The following CARMIL1 variants were observed in gnomAD, a reference collection of about 807,000 sequenced individuals.
The protein encoded by CARMIL1 is capping protein regulator and myosin 1 linker 1.
In CARMIL1, 90 loss-of-function variants were observed where a neutral mutation model predicts 177.1. That is an observed-to-expected ratio of 0.51 (90% confidence interval 0.43 to 0.61). The LOEUF is 0.61. CARMIL1 is among the 20% of genes least tolerant of loss of function. The pLI, the probability that CARMIL1 is intolerant of heterozygous loss-of-function variation, is 0.00. For synonymous variants in CARMIL1, 577 were observed against 606.2 expected, an observed-to-expected ratio of 0.95 and a Z score of 0.71; for missense variants, 1,380 against 1,667.0, an observed-to-expected ratio of 0.83 and a Z score of 3.00.
At chr6:25,571,198 A>G (rs9348685) in intron 29 of CARMIL1, among the ~76,000 whole-genome samples, 22,901 of 152,134 alleles carry the variant, frequency 0.15, 1,837 homozygotes, top group Middle Eastern at 0.21. Context: ...TCAAAAAGCA[A>G]TGATTAGCTC....
At chr6:25,390,311 TATATATATA>T (rs1444618768) in intron 2 of CARMIL1, among the ~76,000 whole-genome samples, 8,913 of 55,782 alleles carry the variant, frequency 0.16, 516 homozygotes, top group Non-Finnish European at 0.2. Context: ...TATATATATA[TATATATATA>T]TTTTTTTTTT....
intron 5 of CARMIL1, among the ~76,000 whole-genome samples, chr6:25,445,076 T>G (rs545005406): frequency 2.6e-5 from 4 of 152,356 alleles, no homozygotes; most frequent in African/African-American, 9.6e-5. Flanking sequence ...CTAACTGGCG[T>G]GAGATGGTAT....
intron 2 of CARMIL1, among the ~76,000 whole-genome samples, chr6:25,417,517 G>A (rs1004562289): frequency 6.6e-6 from 1 of 152,170 alleles, no homozygotes; most frequent in Non-Finnish European, 1.5e-5. Flanking sequence ...GAAAACTGTT[G>A]GAATGTTGAA....
chr6:25,335,753 G>A (rs1055131259), intron 2 of CARMIL1, among the ~76,000 whole-genome samples: 7 of 152,234 alleles, frequency 4.6e-5, no homozygotes, highest in African/African-American at 1.2e-4. Flanking sequence ...CAGGGTGGGC[G>A]CTAAAGCCTT....
chr6:25,386,907 C>G (rs1001819207), intron 2 of CARMIL1, among the ~76,000 whole-genome samples: 1 of 151,782 alleles, frequency 6.6e-6, no homozygotes, highest in Non-Finnish European at 1.5e-5. Context: ...GTGGGCGTAT[C>G]ACCTGAGGTC....
chr6:25,392,655 T>A (rs1399293749), intron 2 of CARMIL1, among the ~76,000 whole-genome samples: 4 of 152,232 alleles, frequency 2.6e-5, no homozygotes, highest in African/African-American at 7.2e-5. Flanking sequence ...GATGTCATGC[T>A]AGATACATTT....
chr6:25,603,288 C>T (rs1815612976), intron 33 of CARMIL1, among the ~76,000 whole-genome samples: 1 of 152,214 alleles, frequency 6.6e-6, no homozygotes, highest in South Asian at 2.1e-4. Flanking sequence ...TTTAGGGGAT[C>T]ACTTTTCCAT....
intron 2 of CARMIL1, among the ~76,000 whole-genome samples, chr6:25,396,597 A>G (rs1474314732): frequency 1.3e-5 from 2 of 151,990 alleles, no homozygotes; most frequent in African/African-American, 2.4e-5. Flanking sequence ...GCTGACCTCA[A>G]GTGATCTGCC....
Position 25,509,697 on chromosome 6 carries a change from T to C in CARMIL1, c.1437T>C (p.Ala479=), listed in dbSNP as rs779695932. The change falls in exon 18 of 37, where the codon GCT becomes GCC. Residue 479 remains alanine (A), a synonymous_variant. Coordinates refer to ENST00000329474, the MANE Select transcript of CARMIL1 (RefSeq NM_017640.6). This position sits in a 1 kb window ranked among gnomAD's most constrained non-coding sequence, Gnocchi z 4.1. ...GGAQVLEGCI[A]EIHNITSLDI... is the part of the protein sequence containing the mutation. ...CTCAAGTATTAGAAGGTTGCATTGC[T>C]GAAATACACAACATCACCAGCTTAG... 6.2e-7 allele frequency: 1 copy of C among 1,603,624 alleles called. No homozygotes were observed. Among genetic ancestry groups the C allele is most frequent in the Non-Finnish European group, 8.5e-7 (1 of 1,174,664 alleles).
intron 8 of CARMIL1, among the ~76,000 whole-genome samples, chr6:25,464,247 AT>A (rs34232235): frequency 0.17 from 26,303 of 150,966 alleles, 2,468 homozygotes; most frequent in South Asian, 0.26. Context: ...ATTTCTCTGG[AT>A]TTTTTTTTTC....
intron 35 of CARMIL1, among the ~76,000 whole-genome samples, chr6:25,609,754 A>T (rs1264714542): frequency 1.3e-5 from 2 of 152,228 alleles, no homozygotes; most frequent in Admixed American, 6.5e-5. Flanking sequence ...AGTCAGAAGG[A>T]ACATATGGTT....
intron 29 of CARMIL1, among the ~76,000 whole-genome samples, chr6:25,566,587 C>G (rs1292426053): frequency 2.0e-5 from 3 of 152,226 alleles, no homozygotes; most frequent in Non-Finnish European, 2.9e-5. Context: ...TATCTTAGCA[C>G]TTATTAGAAC....
intron 31 of CARMIL1, among the ~76,000 whole-genome samples, chr6:25,584,988 T>C (rs1813500363): frequency 6.6e-6 from 1 of 152,254 alleles, no homozygotes; most frequent in Non-Finnish European, 1.5e-5. Context: ...CCTTAGGGAC[T>C]GTGTAACACA....
intron 2 of CARMIL1, among the ~76,000 whole-genome samples, chr6:25,318,988 C>G (rs941745663): frequency 6.6e-6 from 1 of 152,172 alleles, no homozygotes; most frequent in East Asian, 1.9e-4. Context: ...TTTTCTGAGG[C>G]TGGGCTCATT....
intron 36 of CARMIL1, among the ~76,000 whole-genome samples, chr6:25,611,720 C>T (rs556263582): frequency 6.6e-6 from 1 of 152,134 alleles, no homozygotes; most frequent in Non-Finnish European, 1.5e-5. Flanking sequence ...ATACAAAAAT[C>T]ATTGTTTTAA....
At chr6:25,309,354 C>CAA (rs70975001) in intron 2 of CARMIL1, among the ~76,000 whole-genome samples, 102 of 85,442 alleles carry the variant, frequency 1.2e-3, no homozygotes, top group Non-Finnish European at 1.7e-3. Context: ...GAGTCCCTCT[C>CAA]AAAAAAAAAA....
chr6:25,450,857 C>A (rs1427205604), intron 8 of CARMIL1, 146 bp downstream of exon 8: 8 of 535,570 alleles, frequency 1.5e-5, no homozygotes, highest in Middle Eastern at 4.9e-4. Context: ...TCCCTCCCCT[C>A]CCTTCCCTTC....
chr6:25,432,677 G>A (rs1268187989), intron 4 of CARMIL1, among the ~76,000 whole-genome samples: 1 of 152,058 alleles, frequency 6.6e-6, no homozygotes, highest in Non-Finnish European at 1.5e-5. Context: ...TTAATTGTTT[G>A]CTATGTCACA....
chr6:25,515,957 A>C lies in CARMIL1; in HGVS notation c.1805+110A>C. ...GGGGACCTGGGCTTCCCATGAGGCC[A>C]TCTTGAGGAGAAGAGGTGACAATGT... On this transcript the variant is annotated intron_variant, in intron 21 of 36. Transcript: ENST00000329474. The surrounding 1 kb of genome is among the most constrained non-coding windows in gnomAD (Gnocchi z 5.0). 9.4e-7 allele frequency: 1 copy of C among 1,060,542 alleles called. No homozygotes were observed. Among genetic ancestry groups the C allele is most frequent in the Non-Finnish European group, 1.3e-6 (1 of 754,654 alleles). 65.7% of individuals were successfully genotyped at this position (1,060,542 alleles called of 1,614,324 possible).
Sources: gnomAD v4.1 joint callset for allele counts (sites outside exome capture counted in the v4.1 genomes callset) on GRCh38, gnomAD v4.1.1 for gene constraint, Gnocchi (gnomAD v3.1) non-coding constraint, MANE v1.5 for transcripts, NCBI Gene and HGNC (gene_info 2026-07-23, HGNC 2026-07-21) for gene names.